Variants in NVL observed in about 807,000 individuals in gnomAD.
The protein encoded by NVL is nuclear valosin-containing protein-like.
A neutral mutation model predicts 110.2 loss-of-function variants in NVL; 84 were observed. The ratio of observed to expected loss-of-function variants is 0.76; its 90% CI spans 0.64 to 0.91. The LOEUF (loss-of-function observed/expected upper bound fraction) is 0.91. Ranked by LOEUF, NVL falls within the 40% of genes least tolerant of loss-of-function variation. The pLI is 0.00. For missense variants in NVL, 882 were observed against 1,035.9 expected, an observed-to-expected ratio of 0.85 and a Z score of 2.04; for synonymous variants, 354 against 361.1, an observed-to-expected ratio of 0.98 and a Z score of 0.22.
intron 18 of NVL, among the ~76,000 whole-genome samples, chr1:224,266,822 C>A (rs905716737): frequency 2.0e-5 from 3 of 152,300 alleles, no homozygotes; most frequent in East Asian, 3.9e-4. Context: ...TAAATAGCTA[C>A]GTGCTGTTTA....
At position 224,322,954 on chromosome 1, in the gene NVL, C is replaced by CA. The variant is rs1399466132; in HGVS notation, c.131+3436dup. On this transcript the variant is annotated intron_variant, in intron 2 of 22. Coordinates refer to ENST00000281701, the MANE Select transcript of NVL (RefSeq NM_002533.4). ...GGGTGACAGAGTGAGACTCCATCTC[C>CA]AAAAAAAAAAAGACACGGAAGGCAA... is the stretch of plus-strand genomic sequence containing the variant. Among the ~76,000 whole-genome samples, 713 of 137,568 alleles carry CA rather than the reference C, an allele frequency of 5.2e-3. 6 individuals carry two copies. Among genetic ancestry groups the CA allele is most frequent in the African/African-American group, 0.015 (560 of 37,550 alleles). The allele number at this position is 137,568 out of a possible 152,430, so 90.2% of individuals were successfully genotyped here. A position where few individuals can be genotyped will look rare whatever the true frequency, so the allele number is the denominator to read the frequency against.
intron 8 of NVL, 66 bp downstream of exon 8, chr1:224,304,670 A>T: frequency 7.5e-7 from 1 of 1,332,116 alleles, no homozygotes; most frequent in Non-Finnish European, 1.1e-6. Flanking sequence ...ACAAAGAGGT[A>T]GGCTTTTTCC....
intron 9 of NVL, among the ~76,000 whole-genome samples, chr1:224,302,445 C>A (rs1325707117): frequency 6.6e-6 from 1 of 152,178 alleles, no homozygotes; most frequent in African/African-American, 2.4e-5. Context: ...AGGTGATCCA[C>A]ATGCCTCGGC....
intron 4 of NVL, among the ~76,000 whole-genome samples, chr1:224,314,893 C>A (rs555622057): frequency 6.6e-6 from 1 of 152,022 alleles, no homozygotes; most frequent in East Asian, 1.9e-4. Flanking sequence ...TGCCTGTAAT[C>A]CCAGCTACTC....
chr1:224,234,255 C>G (rs763511006), intron 20 of NVL, among the ~76,000 whole-genome samples: 3 of 152,120 alleles, frequency 2.0e-5, no homozygotes, highest in Non-Finnish European at 4.4e-5. Context: ...CTCATGTTGA[C>G]TGGAGTTTCA....
At chr1:224,284,983 G>C (rs1025870859) in intron 15 of NVL, among the ~76,000 whole-genome samples, 1 of 152,142 alleles carries the variant, frequency 6.6e-6, no homozygotes, top group Non-Finnish European at 1.5e-5. Context: ...GCCATTTAAA[G>C]TAGTGTTGTT....
chr1:224,275,029 T>G (rs1665615807), intron 17 of NVL, among the ~76,000 whole-genome samples: 1 of 152,224 alleles, frequency 6.6e-6, no homozygotes, highest in Non-Finnish European at 1.5e-5. Flanking sequence ...CTCAAGAATG[T>G]TGTAGGATTA....
chr1:224,314,815 A>C (rs1276707849), intron 4 of NVL, among the ~76,000 whole-genome samples: 1 of 152,226 alleles, frequency 6.6e-6, no homozygotes, highest in Non-Finnish European at 1.5e-5. Flanking sequence ...ACATCTGTAG[A>C]AAAAGATTAG....
intron 20 of NVL, among the ~76,000 whole-genome samples, chr1:224,234,310 G>C (rs1421485146): frequency 5.9e-5 from 9 of 152,150 alleles, no homozygotes; most frequent in Non-Finnish European, 1.3e-4. Flanking sequence ...ATATGAGAAA[G>C]AGTTTGAGTT....
At chr1:224,282,153 C>A (rs1260275559) in intron 15 of NVL, among the ~76,000 whole-genome samples, 2 of 150,874 alleles carry the variant, frequency 1.3e-5, no homozygotes, top group African/African-American at 4.9e-5. Flanking sequence ...GCAGTCTTGA[C>A]TTCCCAGGTT....
chr1:224,256,643 G>A (rs1329200301), intron 18 of NVL, among the ~76,000 whole-genome samples: 1 of 151,916 alleles, frequency 6.6e-6, no homozygotes, highest in East Asian at 1.9e-4. Flanking sequence ...AGGCATTCTG[G>A]ACACTTTATA....
intron 14 of NVL, among the ~76,000 whole-genome samples, chr1:224,286,497 C>A (rs1248138194): frequency 6.6e-6 from 1 of 152,086 alleles, no homozygotes; most frequent in African/African-American, 2.4e-5. Context: ...TGAGCCACTG[C>A]GCCCAGCTTC....
chr1:224,300,042 G>A (rs572367927), intron 10 of NVL, among the ~76,000 whole-genome samples: 19 of 152,258 alleles, frequency 1.2e-4, no homozygotes, highest in Non-Finnish European at 2.9e-5. Context: ...CTTGTGCTGT[G>A]TGCAAGGCAC....
intron 18 of NVL, among the ~76,000 whole-genome samples, chr1:224,262,152 G>A (rs1018893937): frequency 6.6e-6 from 1 of 152,012 alleles, no homozygotes; most frequent in Non-Finnish European, 1.5e-5. Context: ...GATCAGTCCA[G>A]GAGGGTTTAA....
At chr1:224,249,206 C>T (rs1662192115) in intron 19 of NVL, among the ~76,000 whole-genome samples, 1 of 151,966 alleles carries the variant, frequency 6.6e-6, no homozygotes, top group African/African-American at 2.4e-5. Flanking sequence ...TGCAGTAGCA[C>T]GATCTTGGCT....
chr1:224,313,902 C>T (rs953154427), intron 4 of NVL, among the ~76,000 whole-genome samples: 1 of 152,112 alleles, frequency 6.6e-6, no homozygotes, highest in African/African-American at 2.4e-5. Context: ...ACTCGGGAGG[C>T]TGAGGCAGGA....
chr1:224,236,706 T>A (rs1168417627), intron 19 of NVL, 124 bp from the exon 20 acceptor site: 1 of 686,954 alleles, frequency 1.5e-6, no homozygotes, highest in East Asian at 2.9e-5. Context: ...AGGTCAGGAG[T>A]TCGAGACCAA....
In NVL at chr1:224,288,011, A is replaced by AG. The variant is rs750257346; in HGVS notation, c.1576-19dup. ...AATTCATCCTTGAAGGGAACAATAGAGGGGAAAAAAATAAAGAAACACCAC... is the reference window on the plus strand; with the variant it reads ...AATTCATCCTTGAAGGGAACAATAGAGGGGGAAAAAAATAAAGAAACACCAC... On this transcript the variant is annotated intron_variant, in intron 13 of 22. Transcript: ENST00000281701. 1.3e-6 allele frequency: 2 copies of AG among 1,581,904 alleles called. No homozygotes were observed. The highest frequency in any genetic ancestry group is 1.4e-5 in the African/African-American group (1 of 74,050).
intron 16 of NVL, among the ~76,000 whole-genome samples, chr1:224,278,510 C>T (rs899822276): frequency 6.6e-6 from 1 of 151,930 alleles, no homozygotes; most frequent in Non-Finnish European, 1.5e-5. Context: ...GGATTATAGG[C>T]GTGAGCCACC....
Sources: gnomAD v4.1 joint callset for allele counts (sites outside exome capture counted in the v4.1 genomes callset) on GRCh38, gnomAD v4.1.1 for gene constraint, MANE v1.5 for transcripts, NCBI Gene and HGNC (gene_info 2026-07-23, HGNC 2026-07-21) for gene names.